The following DYNC1I2 variants were observed in gnomAD, a reference collection of about 807,000 sequenced individuals.
DYNC1I2 encodes dynein cytoplasmic 1 intermediate chain 2, also known as cytoplasmic dynein 1 intermediate chain 2.
DYNC1I2 carries 53 observed loss-of-function variants against 88.6 expected under a neutral mutation model. The ratio of observed to expected loss-of-function variants is 0.60; its 90% CI spans 0.48 to 0.75. The LOEUF (loss-of-function observed/expected upper bound fraction) is 0.75. DYNC1I2 is among the 30% of genes least tolerant of loss of function. DYNC1I2 has a pLI of 0.00. For synonymous variants in DYNC1I2, 198 were observed against 254.6 expected, an observed-to-expected ratio of 0.78 and a Z score of 2.12; for missense variants, 458 against 766.6, an observed-to-expected ratio of 0.60 and a Z score of 4.75.
chr2:171,722,315 G>T (rs1030824626), intron 7 of DYNC1I2, among the ~76,000 whole-genome samples: 4 of 152,088 alleles, frequency 2.6e-5, no homozygotes, highest in Non-Finnish European at 4.4e-5. Flanking sequence ...ATTAAACCTA[G>T]TTTTAGCATT....
chr2:171,725,573 A>G (rs1302675345), intron 7 of DYNC1I2, 45 bp from the exon 8 acceptor site: 2 of 1,171,230 alleles, frequency 1.7e-6, no homozygotes, highest in African/African-American at 3.5e-5. Flanking sequence ...TTATTATATC[A>G]TTCTGTTTTT....
rs1301850481 is a variant in DYNC1I2, at chr2:171,728,889, TC to T, written c.1391+41del. The T allele has an allele frequency of 1.9e-6, 3 of 1,565,482 alleles. No individual in the cohort carries two copies. The African/African-American group carries it at 4.1e-5, about 21-fold the overall frequency. On this transcript the variant is annotated intron_variant, in intron 14 of 17. Coordinates refer to ENST00000397119, the MANE Select transcript of DYNC1I2 (RefSeq NM_001378.3). ...GGAATTTGCAATAATTTAAAATTCC[TC>T]CTTTAATCCCATTGAAACAAATTGT...
chr2:171,735,317 T>C (rs1020527806), intron 15 of DYNC1I2, among the ~76,000 whole-genome samples: 2 of 152,196 alleles, frequency 1.3e-5, no homozygotes, highest in African/African-American at 4.8e-5. Context: ...CATTACTTTA[T>C]TGAACTCAAC....
At chr2:171,735,794 A>C (rs1488146923) in intron 15 of DYNC1I2, among the ~76,000 whole-genome samples, 1 of 152,248 alleles carries the variant, frequency 6.6e-6, no homozygotes, top group East Asian at 1.9e-4. Flanking sequence ...TGGTAGATTC[A>C]CTAAATGTTC....
chr2:171,746,962 G>A (rs1689825327), intron 17 of DYNC1I2, among the ~76,000 whole-genome samples: 1 of 151,892 alleles, frequency 6.6e-6, no homozygotes, highest in Admixed American at 6.6e-5. Context: ...GGGAGGATGA[G>A]GCGGGTGGAT....
intron 17 of DYNC1I2, among the ~76,000 whole-genome samples, chr2:171,746,232 G>A (rs2105791623): frequency 6.6e-6 from 1 of 152,200 alleles, no homozygotes; most frequent in South Asian, 2.1e-4. Context: ...AGTTATAGGT[G>A]GACTTTGGGG....
At chr2:171,698,645 G>C (rs1003382427) in intron 3 of DYNC1I2, among the ~76,000 whole-genome samples, 23 of 150,144 alleles carry the variant, frequency 1.5e-4, no homozygotes, top group Non-Finnish European at 2.5e-4. Flanking sequence ...TGAGGCGGGC[G>C]GATCACGAGG....
At chr2:171,747,377 C>A (rs1411240673) in intron 17 of DYNC1I2, among the ~76,000 whole-genome samples, 1 of 151,762 alleles carries the variant, frequency 6.6e-6, no homozygotes. Context: ...AAAATACTTA[C>A]AAGAAACGAG....
intron 17 of DYNC1I2, 37 bp from the exon 18 acceptor site, chr2:171,747,738 AT>A (rs753593296): frequency 1.4e-6 from 2 of 1,400,814 alleles, no homozygotes; most frequent in East Asian, 4.7e-5. Flanking sequence ...ATGATCTTTT[AT>A]TTCATTGTAT....
At chr2:171,726,565 A>G (rs537206047) in intron 10 of DYNC1I2, 12 of 581,764 alleles carry the variant, frequency 2.1e-5, no homozygotes, top group African/African-American at 1.3e-4. Context: ...ATTTGGACAC[A>G]TATTTTAATT....
intron 14 of DYNC1I2, 42 bp downstream of exon 14, chr2:171,728,892 T>C: frequency 6.4e-7 from 1 of 1,557,700 alleles, no homozygotes; most frequent in Non-Finnish European, 8.7e-7. Context: ...AAATTCCTCC[T>C]TTAATCCCAT....
chr2:171,740,850 G>A (rs1034103950), intron 15 of DYNC1I2, among the ~76,000 whole-genome samples: 20 of 152,004 alleles, frequency 1.3e-4, no homozygotes, highest in African/African-American at 3.6e-4. Context: ...ATACAATTCA[G>A]TGGTTCTTAG....
In DYNC1I2 at chr2:171,745,904, A is replaced by C. The variant is rs1689744982; in HGVS notation, c.1780A>C (p.Ile594Leu). ...TGCTGTGGGTGATTCTGAAGGACAG[A>C]TTGTTATATACGATGTGGGAGAGGT... ...EIAVGDSEGQ[I>L]VIYDVGEQIA... is the part of the protein sequence containing the mutation. Residue 594 changes from isoleucine to leucine, a missense_variant, in exon 17 of 18, where the codon ATT (isoleucine) becomes CTT (leucine). Transcript: ENST00000397119. The C allele has an allele frequency of 6.2e-7, 1 of 1,613,758 alleles. No homozygotes were observed. Among genetic ancestry groups the C allele is most frequent in the Non-Finnish European group, 8.5e-7 (1 of 1,179,768 alleles).
chr2:171,715,188 T>G, intron 6 of DYNC1I2, 140 bp from the exon 7 acceptor site: 1 of 538,330 alleles, frequency 1.9e-6, no homozygotes, highest in Admixed American at 3.2e-5. Context: ...TAAAGCCAAT[T>G]TATTGTTAAT....
At chr2:171,737,864 AATC>A (rs1689121636) in intron 15 of DYNC1I2, among the ~76,000 whole-genome samples, 2 of 151,904 alleles carry the variant, frequency 1.3e-5, no homozygotes, top group Admixed American at 6.6e-5. Flanking sequence ...ATATAGGTAA[AATC>A]ATGTCACGGG....
At chr2:171,733,934 T>C (rs967543659) in intron 15 of DYNC1I2, among the ~76,000 whole-genome samples, 3 of 152,090 alleles carry the variant, frequency 2.0e-5, no homozygotes, top group Non-Finnish European at 4.4e-5. Flanking sequence ...TTTGGGGTTT[T>C]ACATTTAAGT....
At chr2:171,714,252 C>A (rs983410106) in intron 6 of DYNC1I2, among the ~76,000 whole-genome samples, 1 of 146,432 alleles carries the variant, frequency 6.8e-6, no homozygotes, top group Admixed American at 6.7e-5. Flanking sequence ...TGTTATGGCC[C>A]ACATTTTGGA....
Position 171,698,152 on chromosome 2 carries a change from C to T in DYNC1I2, c.226+5258C>T, listed in dbSNP as rs535268402. 2.4e-4 allele frequency among the ~76,000 whole-genome samples: 37 copies of T among 152,238 alleles called. No homozygotes were observed. In the Middle Eastern group the frequency reaches 0.01, roughly 42 times the overall value. ...TTTATCTGATGGTGTTAATACTCAT[C>T]GATGATCCTCATCTAAGTTATTTAA... On this transcript the variant is annotated intron_variant, in intron 3 of 17. Transcript: ENST00000397119.
In DYNC1I2 at chr2:171,740,579, T is replaced by C. The variant is rs539878186; in HGVS notation, c.1537-3470T>C. 3.1e-4 allele frequency among the ~76,000 whole-genome samples: 47 copies of C among 152,334 alleles called. 1 individual carries two copies. The South Asian group carries it at 4.8e-3, about 15-fold the overall frequency. Reference sequence around the variant, plus strand: ...TCTTTAGAGGGTCAGTGTTCCTAGATACACAGGATATCCTTTCAATATGTA... The same window carrying C: ...TCTTTAGAGGGTCAGTGTTCCTAGACACACAGGATATCCTTTCAATATGTA... On this transcript the variant is annotated intron_variant, in intron 15 of 17. Coordinates refer to ENST00000397119, the MANE Select transcript of DYNC1I2 (RefSeq NM_001378.3).
Sources: allele counts gnomAD v4.1 joint callset (sites outside exome capture counted in the v4.1 genomes callset), GRCh38; gene constraint gnomAD v4.1.1; transcripts MANE v1.5; gene names NCBI Gene and HGNC (gene_info 2026-07-23, HGNC 2026-07-21).